FMO4: variants seen among roughly 807,000 people sequenced by gnomAD.
FMO4 encodes dimethylaniline monooxygenase [N-oxide-forming] 4.
FMO4 carries 38 observed loss-of-function variants against 43.3 expected under a neutral mutation model. The observed-to-expected ratio is 0.88, with a 90% CI of 0.68 to 1.15. The LOEUF is 1.15. FMO4 is among the 50% of genes most tolerant of loss of function. The pLI is 0.00. For missense variants in FMO4, 631 were observed against 663.3 expected, an observed-to-expected ratio of 0.95 and a Z score of 0.54; for synonymous variants, 224 against 232.2, an observed-to-expected ratio of 0.96 and a Z score of 0.32.
chr1:171,325,817 CTTTTTTTTTTTTTTTTTTTTTTTTTTTT>C (rs869107866), intron 5 of FMO4, among the ~76,000 whole-genome samples: 789 of 51,022 alleles, frequency 0.015, 17 homozygotes, highest in African/African-American at 0.044. Context: ...ATAGACTATC[CTTTTTTTTTTTTTTTTTTTTTTTTTTTT>C]TTTTTTTTTT....
Position 171,334,412 on chromosome 1 carries a change from A to G in FMO4, c.829A>G (p.Lys277Glu), listed in dbSNP as rs1274637242. 4 of 1,559,686 alleles carry G rather than the reference A, an allele frequency of 2.6e-6. No homozygotes were observed. The highest frequency in any genetic ancestry group is 2.8e-5 in the African/African-American group (2 of 72,332). The change falls in exon 8 of 10, where the codon AAA becomes GAA. Residue 277 changes from lysine (K) to glutamate (E), a missense_variant and splice_region_variant. Coordinates refer to ENST00000367749, the MANE Select transcript of FMO4 (RefSeq NM_002022.3). The part of the protein sequence containing the change: ...EDYGLSITKG[K>E]KAKFIVNDEL... ...ATAATTTTCTCCTGTGTGTCAAAGGAAAAAAGCAAAATTCATTGTGAATGA... is the reference window on the plus strand; with the variant it reads ...ATAATTTTCTCCTGTGTGTCAAAGGGAAAAAGCAAAATTCATTGTGAATGA...
At chr1:171,333,978 C>A (rs1018167257) in intron 7 of FMO4, among the ~76,000 whole-genome samples, 4 of 152,156 alleles carry the variant, frequency 2.6e-5, no homozygotes, top group African/African-American at 4.8e-5. Context: ...TGCAGGCCAC[C>A]ATGCCCAGCT....
intron 2 of FMO4, among the ~76,000 whole-genome samples, chr1:171,316,937 G>A (rs1294100299): frequency 6.6e-6 from 1 of 152,050 alleles, no homozygotes; most frequent in Admixed American, 6.5e-5. Flanking sequence ...TTGTGCCTGG[G>A]GCTTCTGATC....
chr1:171,320,796 T>A (rs1264274698), intron 3 of FMO4, among the ~76,000 whole-genome samples: 1 of 151,952 alleles, frequency 6.6e-6, no homozygotes, highest in African/African-American at 2.4e-5. Context: ...GGCGGCATAG[T>A]GAGACCCTAT....
chr1:171,329,423 T>C (rs1038601627), intron 5 of FMO4, among the ~76,000 whole-genome samples: 10 of 152,212 alleles, frequency 6.6e-5, no homozygotes, highest in Non-Finnish European at 1.5e-5. Context: ...GGCCTCATCG[T>C]GTGTTCAAAT....
chr1:171,321,843 GTCA>G lies in FMO4; in HGVS notation c.133-1157_133-1155del, dbSNP rs1662443650. Among the ~76,000 whole-genome samples the G allele has an allele frequency of 2.0e-5, 3 of 152,160 alleles. No homozygotes were observed. In the South Asian group the frequency reaches 6.2e-4, roughly 32 times the overall value. On this transcript the variant is annotated intron_variant, in intron 3 of 9. Transcript: ENST00000367749. ...AGTAAATAGGGAATTATAACACAGTGTCATCAAGTTCGTGGTAGAAGTACAGGA... is the reference window on the plus strand; with the variant it reads ...AGTAAATAGGGAATTATAACACAGTGTCAAGTTCGTGGTAGAAGTACAGGA...
intron 5 of FMO4, among the ~76,000 whole-genome samples, chr1:171,328,108 T>C (rs982204040): frequency 2.0e-5 from 3 of 152,144 alleles, no homozygotes; most frequent in African/African-American, 7.2e-5. Flanking sequence ...TGGCATGATC[T>C]CAGCTTGCTG....
rs775925869 is a variant in FMO4 at position 171,323,208 on chromosome 1, T to C, written c.321+16T>C. ...TCAGTTTAAGGTAAGATACTTTGGGTTATGGAAGATGAATAGATGGGGGCT... is the reference window on the plus strand; with the variant it reads ...TCAGTTTAAGGTAAGATACTTTGGGCTATGGAAGATGAATAGATGGGGGCT... On this transcript the variant is annotated intron_variant, in intron 4 of 9. Coordinates refer to ENST00000367749, the MANE Select transcript of FMO4 (RefSeq NM_002022.3). The C allele has an allele frequency of 1.3e-6, 2 of 1,572,414 alleles. No individual in the cohort carries two copies. Among genetic ancestry groups the C allele is most frequent in the Non-Finnish European group, 8.7e-7 (1 of 1,146,734 alleles).
intron 7 of FMO4, among the ~76,000 whole-genome samples, chr1:171,333,808 C>T (rs890322510): frequency 6.6e-6 from 1 of 152,008 alleles, no homozygotes; most frequent in African/African-American, 2.4e-5. Flanking sequence ...ATGATGGTCA[C>T]ACTGAAAATA....
intron 5 of FMO4, among the ~76,000 whole-genome samples, chr1:171,328,660 A>G (rs1441060786): frequency 6.6e-6 from 1 of 152,004 alleles, no homozygotes; most frequent in Non-Finnish European, 1.5e-5. Flanking sequence ...AAAAAAAAAA[A>G]AAAAGTTCTT....
chr1:171,316,957 G>C (rs1318569480), intron 2 of FMO4, among the ~76,000 whole-genome samples: 1 of 152,126 alleles, frequency 6.6e-6, no homozygotes, highest in East Asian at 1.9e-4. Context: ...CTGATTAAGA[G>C]ACAAGCTACA....
At position 171,337,340 on chromosome 1, in the gene FMO4, G is replaced by A; in HGVS notation, c.1181-16G>A. On this transcript the variant is annotated splice_polypyrimidine_tract_variant and intron_variant, in intron 8 of 9. Transcript: ENST00000367749. ...GCCACATGTGACTTTAGTGTTGTTT[G>A]TGATTTTTCCCACAGGACTCTGTAA... is the stretch of plus-strand genomic sequence containing the variant. 1 of 1,589,232 alleles carries A rather than the reference G, an allele frequency of 6.3e-7. No homozygotes were observed. The highest frequency in any genetic ancestry group is 1.3e-5 in the African/African-American group (1 of 74,524).
intron 7 of FMO4, chr1:171,333,174 A>ATTT: frequency 3.3e-6 from 1 of 306,932 alleles, no homozygotes; most frequent in Non-Finnish European, 6.0e-6. Flanking sequence ...AATATCACAT[A>ATTT]TTTTTGTTGT....
chr1:171,334,674 C>T lies in FMO4; in HGVS notation c.1091C>T (p.Thr364Ile). Reference sequence around the variant, plus strand: ...TTTCCCTTAAACCTAGAGAGAGCGACATTAGCCATCATCGGCCTTATCGGC... The same window carrying T: ...TTTCCCTTAAACCTAGAGAGAGCGATATTAGCCATCATCGGCCTTATCGGC... The part of the protein sequence containing the change: ...QVFPLNLERA[T>I]LAIIGLIGLK... Residue 364 changes from threonine to isoleucine, a missense_variant, in exon 8 of 10, where the codon ACA (threonine) becomes ATA (isoleucine). Transcript: ENST00000367749. 6.2e-7 allele frequency: 1 copy of T among 1,613,752 alleles called. No homozygotes were observed. The highest frequency in any genetic ancestry group is 8.5e-7 in the Non-Finnish European group (1 of 1,179,800).
intron 5 of FMO4, 64 bp from the exon 6 acceptor site, chr1:171,331,576 C>A: frequency 6.6e-7 from 1 of 1,506,538 alleles, no homozygotes; most frequent in Non-Finnish European, 9.2e-7. Flanking sequence ...CAGACCCTAT[C>A]CCTGCGTAGT....
intron 9 of FMO4, among the ~76,000 whole-genome samples, chr1:171,340,645 CT>C (rs1170829107): frequency 5.3e-5 from 8 of 151,728 alleles, no homozygotes. Flanking sequence ...ATATTTAAAC[CT>C]TTTTCTTGAT....
At chr1:171,320,664 T>G (rs12729885) in intron 3 of FMO4, among the ~76,000 whole-genome samples, 23,721 of 152,054 alleles carry the variant, frequency 0.16, 2,129 homozygotes, top group African/African-American at 0.24. Flanking sequence ...CAGTAGGGAC[T>G]GAGGGATCTG....
rs779909399 is a variant in FMO4, at chr1:171,334,550, G to A, written c.967G>A (p.Val323Ile). 5 of 1,613,564 alleles carry A rather than the reference G, an allele frequency of 3.1e-6. No individual in the cohort carries two copies. In the East Asian group the frequency reaches 8.9e-5, roughly 29 times the overall value. ...TGGGACAGTGGAAGAAAACATTGAT[G>A]TTGTGATCTTCACTACAGGATATAC... is the stretch of plus-strand genomic sequence containing the variant. Reference protein sequence around the residue: ...EDGTVEENIDVVIFTTGYTFS... With the variant: ...EDGTVEENIDIVIFTTGYTFS... Residue 323 changes from valine to isoleucine, a missense_variant, in exon 8 of 10, where the codon GTT becomes ATT. By Grantham distance (29) the Val-to-Ile change is conservative. Coordinates refer to ENST00000367749, the MANE Select transcript of FMO4 (RefSeq NM_002022.3).
At chr1:171,330,545 G>A (rs975689415) in intron 5 of FMO4, among the ~76,000 whole-genome samples, 11 of 152,198 alleles carry the variant, frequency 7.2e-5, no homozygotes, top group Non-Finnish European at 1.2e-4. Context: ...GAAGAGCAAA[G>A]TCACGTCTTA....
Sources: allele counts gnomAD v4.1 joint callset (sites outside exome capture counted in the v4.1 genomes callset), GRCh38; gene constraint gnomAD v4.1.1; transcripts MANE v1.5; gene names NCBI Gene and HGNC (gene_info 2026-07-23, HGNC 2026-07-21).